Variants in MAP2K1 observed in about 807,000 individuals in gnomAD.
MAP2K1 encodes the protein dual specificity mitogen-activated protein kinase kinase 1.
A neutral mutation model predicts 46.3 loss-of-function variants in MAP2K1; 16 were observed. That is an observed-to-expected ratio of 0.35 (90% CI 0.23 to 0.52). The LOEUF (loss-of-function observed/expected upper bound fraction) is 0.52. Ranked by LOEUF, MAP2K1 falls within the 20% of genes least tolerant of loss-of-function variation. The probability of loss-of-function intolerance (pLI) is 0.94; values close to 1 mark genes in which losing one functional copy is unlikely to be tolerated. For missense variants in MAP2K1, 263 were observed against 497.1 expected (o/e 0.53, Z 4.48); for synonymous variants, 183 against 185.6 (o/e 0.99, Z 0.11).
chr15:66,431,246 G>A (rs1010334160), intron 1 of MAP2K1, among the ~76,000 whole-genome samples: 1 of 152,194 alleles, frequency 6.6e-6, no homozygotes, highest in Non-Finnish European at 1.5e-5. Context: ...TAGTCGTTGG[G>A]TGAGGGCCCT....
chr15:66,489,658 G>A, intron 9 of MAP2K1, 60 bp from the exon 10 acceptor site: 1 of 1,289,306 alleles, frequency 7.8e-7, no homozygotes, highest in Non-Finnish European at 1.1e-6. Flanking sequence ...ATGCAAACAT[G>A]TTATTTGAGC....
chr15:66,452,517 A>G (rs1892060325), intron 5 of MAP2K1, among the ~76,000 whole-genome samples: 1 of 152,162 alleles, frequency 6.6e-6, no homozygotes, highest in Non-Finnish European at 1.5e-5. Flanking sequence ...TCTAGGAAAT[A>G]GGAGTAGCTG....
rs886539818 is a variant in MAP2K1 at position 66,481,737 on chromosome 15, A to G, written c.569-18A>G. The G allele has an allele frequency of 1.8e-5, 29 of 1,609,794 alleles. No homozygotes were observed. The highest frequency in any genetic ancestry group is 3.3e-5 in the Admixed American group (2 of 59,808). ...ACCTGTGTCAGTTCCCTCCTTTTCT[A>G]TTTTCTCTTCCCTGCAGATGTCAAG... On this transcript the variant is annotated intron_variant, in intron 5 of 10. Transcript: ENST00000307102.
At chr15:66,458,764 A>G (rs772755619) in intron 5 of MAP2K1, among the ~76,000 whole-genome samples, 38 of 152,042 alleles carry the variant, frequency 2.5e-4, no homozygotes, top group Non-Finnish European at 4.0e-4. Context: ...CAAGTAATCC[A>G]CTTGTCTGGG....
intron 5 of MAP2K1, among the ~76,000 whole-genome samples, chr15:66,476,947 G>A (rs1892767324): frequency 6.6e-6 from 1 of 152,248 alleles, no homozygotes; most frequent in Non-Finnish European, 1.5e-5. Context: ...GCAGGGGCAA[G>A]AGGGATGTCC....
At chr15:66,473,243 T>C (rs57120695) in intron 5 of MAP2K1, among the ~76,000 whole-genome samples, 4,687 of 152,232 alleles carry the variant, frequency 0.031, 168 homozygotes, top group East Asian at 0.075. Flanking sequence ...ATCTGTAAAC[T>C]AGGACTATTC....
At chr15:66,440,077 C>T (rs1003804011) in intron 3 of MAP2K1, among the ~76,000 whole-genome samples, 3 of 150,338 alleles carry the variant, frequency 2.0e-5, no homozygotes, top group East Asian at 1.9e-4. Context: ...TTTTGGGGGG[C>T]GCGTGGGGTT....
At chr15:66,420,819 ATATATATATG>A (rs2093438361) in intron 1 of MAP2K1, among the ~76,000 whole-genome samples, 1 of 61,136 alleles carries the variant, frequency 1.6e-5, no homozygotes, top group Non-Finnish European at 3.5e-5. Flanking sequence ...ATATATGTGT[ATATATATATG>A]TGTATATATA....
At chr15:66,397,640 GCTTGTC>G (rs1231858284) in intron 1 of MAP2K1, among the ~76,000 whole-genome samples, 3 of 152,186 alleles carry the variant, frequency 2.0e-5, no homozygotes, top group African/African-American at 7.2e-5. Context: ...TTCATACGCT[GCTTGTC>G]CTTCAAATCT....
chr15:66,475,428 C>CT (rs1205186991), intron 5 of MAP2K1, among the ~76,000 whole-genome samples: 2 of 152,140 alleles, frequency 1.3e-5, no homozygotes, highest in African/African-American at 4.8e-5. Context: ...TCCAGCTTCC[C>CT]TGTGTCACTC....
chr15:66,440,412 A>G (rs1031018672), intron 3 of MAP2K1, among the ~76,000 whole-genome samples: 1 of 152,188 alleles, frequency 6.6e-6, no homozygotes, highest in Admixed American at 6.5e-5. Context: ...GTTTTAAAGT[A>G]AATTTGTGTC....
chr15:66,488,067 TC>T (rs1172436867), intron 8 of MAP2K1, among the ~76,000 whole-genome samples: 1 of 151,800 alleles, frequency 6.6e-6, no homozygotes, highest in East Asian at 1.9e-4. Flanking sequence ...CCTTGCCACC[TC>T]CCACCTCCCA....
intron 1 of MAP2K1, among the ~76,000 whole-genome samples, chr15:66,429,979 C>T (rs77089793): frequency 0.012 from 1,881 of 152,224 alleles, 27 homozygotes; most frequent in South Asian, 0.042. Flanking sequence ...CGGACTTGAA[C>T]CTCAGAGATA....
At chr15:66,419,154 G>GC (rs1041851654) in intron 1 of MAP2K1, among the ~76,000 whole-genome samples, 1 of 148,798 alleles carries the variant, frequency 6.7e-6, no homozygotes, top group Admixed American at 6.7e-5. Context: ...TATAACTTCT[G>GC]TTTTTTTTTC....
At chr15:66,463,443 G>A (rs1892380623) in intron 5 of MAP2K1, among the ~76,000 whole-genome samples, 1 of 152,166 alleles carries the variant, frequency 6.6e-6, no homozygotes, top group South Asian at 2.1e-4. Context: ...AGCCTCAGGA[G>A]GTCCTGACAA....
intron 1 of MAP2K1, among the ~76,000 whole-genome samples, chr15:66,417,939 G>A (rs1470826767): frequency 1.3e-5 from 2 of 152,140 alleles, no homozygotes; most frequent in Admixed American, 6.5e-5. Context: ...TTGGGGACCC[G>A]ACCGTACTTA....
chr15:66,487,451 C>T (rs1893080584), intron 8 of MAP2K1, among the ~76,000 whole-genome samples, 159 bp downstream of exon 8: 1 of 152,054 alleles, frequency 6.6e-6, no homozygotes, highest in Admixed American at 6.6e-5. Context: ...CCAGCCTGGC[C>T]AACAAGGCAA....
chr15:66,436,339 C>T (rs1252156951), intron 2 of MAP2K1, among the ~76,000 whole-genome samples: 1 of 152,244 alleles, frequency 6.6e-6, no homozygotes, highest in South Asian at 2.1e-4. Context: ...GTCTCAACCA[C>T]ATCAGGCTCC....
At chr15:66,442,122 C>T (rs2093505720) in intron 3 of MAP2K1, among the ~76,000 whole-genome samples, 1 of 152,204 alleles carries the variant, frequency 6.6e-6, no homozygotes, top group African/African-American at 2.4e-5. Flanking sequence ...GTCCGGCACC[C>T]CATTCATGTC....
Sources: allele counts gnomAD v4.1 joint callset (sites outside exome capture counted in the v4.1 genomes callset), GRCh38; gene constraint gnomAD v4.1.1; transcripts MANE v1.5; gene names NCBI Gene and HGNC (gene_info 2026-07-23, HGNC 2026-07-21).